The following DMXL1 variants were observed in gnomAD, a reference collection of about 807,000 sequenced individuals.
The protein encoded by DMXL1 is Dmx like 1.
In DMXL1, 99 loss-of-function variants were observed where a neutral mutation model predicts 319.2. The ratio of observed to expected loss-of-function variants is 0.31; its 90% CI spans 0.26 to 0.37. The LOEUF (loss-of-function observed/expected upper bound fraction) is 0.37, where lower values mean the gene tolerates loss of function less well. DMXL1 is among the 10% of genes least tolerant of loss of function. DMXL1 has a pLI of 1.00. For missense variants in DMXL1, 3,745 were observed against 3,595.6 expected, an observed-to-expected ratio of 1.04 and a Z score of -1.06; for synonymous variants, 1,385 against 1,235.2, an observed-to-expected ratio of 1.12 and a Z score of -2.54.
intron 6 of DMXL1, among the ~76,000 whole-genome samples, chr5:119,115,458 G>A (rs919078283): frequency 1.3e-5 from 2 of 152,144 alleles, no homozygotes; most frequent in Non-Finnish European, 2.9e-5. Flanking sequence ...CTGCTAATAA[G>A]TCAAATTATT....
chr5:119,173,776 G>GTGTGTGTATATATATATATATATA lies in DMXL1; in HGVS notation c.6682-1484_6682-1483insGTGTGTATATATATATATATATAT. ...TGTGTATATATATATATGTGTGTGT[G>GTGTGTGTATATATATATATATATA]TATATATATATATATATATATAATG... On this transcript the variant is annotated intron_variant, in intron 25 of 43. Coordinates refer to ENST00000539542, the MANE Select transcript of DMXL1 (RefSeq NM_001290321.3). Among the ~76,000 whole-genome samples, 261 of 67,124 alleles carry GTGTGTGTATATATATATATATATA rather than the reference G, an allele frequency of 3.9e-3. 9 individuals are homozygous for GTGTGTGTATATATATATATATATA. Among genetic ancestry groups the GTGTGTGTATATATATATATATATA allele is most frequent in the African/African-American group, 0.013 (227 of 17,972 alleles). 44.0% of individuals were successfully genotyped at this position (67,124 alleles called of 152,430 possible).
intron 19 of DMXL1, among the ~76,000 whole-genome samples, chr5:119,157,014 G>GTT (rs200329608): frequency 7.0e-6 from 1 of 142,824 alleles, no homozygotes. Context: ...ATCCCCTCTG[G>GTT]TTTTTTTTTT....
chr5:119,150,290 T>G lies in DMXL1; in HGVS notation c.4463T>G (p.Val1488Gly). 2 of 1,613,826 alleles carry G rather than the reference T, an allele frequency of 1.2e-6. No individual in the cohort carries two copies. The highest frequency in any genetic ancestry group is 8.5e-7 in the Non-Finnish European group (1 of 1,179,854). ...PTYFGPEHAQ[V>G]LSGHLLHSSL... ...TACTTTGGACCTGAGCATGCTCAGGTTCTTTCTGGCCACTTACTTCATTCT... is the reference window on the plus strand; with the variant it reads ...TACTTTGGACCTGAGCATGCTCAGGGTCTTTCTGGCCACTTACTTCATTCT... The change falls in exon 18 of 44, where the codon GTT becomes GGT. Residue 1488 changes from valine to glycine, a missense_variant. Transcript: ENST00000539542.
chr5:119,189,495 G>A (rs564672495), intron 28 of DMXL1, among the ~76,000 whole-genome samples: 4 of 152,258 alleles, frequency 2.6e-5, no homozygotes, highest in Admixed American at 1.3e-4. Flanking sequence ...TTTAGAGAGT[G>A]AGGGACAAAT....
chr5:119,218,995 A>G (rs1784181871), intron 35 of DMXL1, among the ~76,000 whole-genome samples: 1 of 152,164 alleles, frequency 6.6e-6, no homozygotes, highest in African/African-American at 2.4e-5. Flanking sequence ...TGGATTGTTT[A>G]AACAGTCCAT....
intron 2 of DMXL1, among the ~76,000 whole-genome samples, chr5:119,101,609 A>G (rs1182429261): frequency 6.6e-6 from 1 of 152,240 alleles, no homozygotes; most frequent in Non-Finnish European, 1.5e-5. Context: ...TTTACTGTGC[A>G]TATTGTATGT....
At chr5:119,203,964 A>C (rs1188519873) in intron 33 of DMXL1, among the ~76,000 whole-genome samples, 1 of 152,106 alleles carries the variant, frequency 6.6e-6, no homozygotes, top group African/African-American at 2.4e-5. Flanking sequence ...CTGGGACTAC[A>C]GGTGCCCGCC....
intron 19 of DMXL1, among the ~76,000 whole-genome samples, chr5:119,156,114 C>T (rs1356578956): frequency 6.6e-6 from 1 of 152,156 alleles, no homozygotes; most frequent in South Asian, 2.1e-4. Flanking sequence ...ATGTGGCACA[C>T]TTCATTGTTG....
intron 1 of DMXL1, among the ~76,000 whole-genome samples, chr5:119,089,312 T>A (rs1423143028): frequency 1.3e-4 from 14 of 109,760 alleles, no homozygotes; most frequent in African/African-American, 4.7e-4. Context: ...TTTTTTTTTT[T>A]TTTTTTTTTT....
At chr5:119,154,003 T>G (rs1158404546) in intron 19 of DMXL1, among the ~76,000 whole-genome samples, 2 of 152,206 alleles carry the variant, frequency 1.3e-5, no homozygotes, top group Non-Finnish European at 2.9e-5. Context: ...TTGTTACTAT[T>G]ATAATGGTTT....
chr5:119,233,684 T>C (rs768327583), intron 39 of DMXL1, among the ~76,000 whole-genome samples: 9 of 152,202 alleles, frequency 5.9e-5, no homozygotes, highest in Non-Finnish European at 1.2e-4. Context: ...AAGTGATTCT[T>C]AATGACCAAA....
rs1223038578 is a variant in DMXL1, at chr5:119,197,612, C to G, written c.7544-143C>G. ...GCCCACCTCACCTTGCACATCTTCCCTGCCAAAGTGTATGTTAATATTTCA... is the reference window on the plus strand; with the variant it reads ...GCCCACCTCACCTTGCACATCTTCCGTGCCAAAGTGTATGTTAATATTTCA... On this transcript the variant is annotated intron_variant, in intron 31 of 43. Coordinates refer to ENST00000539542, the MANE Select transcript of DMXL1 (RefSeq NM_001290321.3). 3 of 756,822 alleles carry G rather than the reference C, an allele frequency of 4.0e-6. No individual in the cohort carries two copies. In the Admixed American group the frequency reaches 8.4e-5, roughly 21 times the overall value. 46.9% of individuals were successfully genotyped at this position (756,822 alleles called of 1,614,324 possible). A position where few individuals can be genotyped will look rare whatever the true frequency, so the allele number is the denominator to read the frequency against.
intron 13 of DMXL1, among the ~76,000 whole-genome samples, chr5:119,135,955 C>G (rs1372555700): frequency 6.6e-6 from 1 of 152,160 alleles, no homozygotes; most frequent in African/African-American, 2.4e-5. Context: ...AACTGGGTAA[C>G]AGGCAGAGGT....
At chr5:119,178,697 T>G (rs1366778103) in intron 28 of DMXL1, 2 of 975,880 alleles carry the variant, frequency 2.0e-6, no homozygotes, top group Non-Finnish European at 2.4e-6. Context: ...AGGCAAGATA[T>G]GAGCTTTAGA....
Position 119,170,449 on chromosome 5 carries a change from G to T in DMXL1, c.5658G>T (p.Lys1886Asn). 1 of 1,613,902 alleles carries T rather than the reference G, an allele frequency of 6.2e-7. No homozygotes were observed. Among genetic ancestry groups the T allele is most frequent in the Non-Finnish European group, 8.5e-7 (1 of 1,179,914 alleles). ...EVLSKMPKVI[K>N]KTRPFYRASS... The stretch of plus-strand genomic sequence containing the variant: ...TATCAAAGATGCCTAAAGTCATCAA[G>T]AAAACAAGACCTTTTTATAGGGCTT... The change falls in exon 24 of 44, where the codon AAG (lysine) becomes AAT (asparagine). Residue 1886 changes from lysine to asparagine, a missense_variant. Transcript: ENST00000539542.
At chr5:119,176,941 A>C (rs979660146) in intron 26 of DMXL1, among the ~76,000 whole-genome samples, 34 of 152,052 alleles carry the variant, frequency 2.2e-4, no homozygotes, top group African/African-American at 8.0e-4. Flanking sequence ...TCCACTATTA[A>C]ATTTTATGGG....
intron 1 of DMXL1, among the ~76,000 whole-genome samples, chr5:119,081,221 G>A (rs1054095271): frequency 5.9e-5 from 9 of 152,184 alleles, no homozygotes; most frequent in Non-Finnish European, 8.8e-5. Flanking sequence ...AGACAGCTGC[G>A]TTTGGGCTGC....
In DMXL1 at chr5:119,170,965, A is replaced by T; in HGVS notation, c.6174A>T (p.Gln2058His). Residue 2058 changes from glutamine (Q) to histidine (H), a missense_variant, in exon 24 of 44, where the codon CAA becomes CAT. Physicochemically the swap from Gln to His is conservative, Grantham distance 24. Around this residue, in one of 4 missense-constraint regions of DMXL1, gnomAD observed 1,382 missense variants for 1,269.5 expected, o/e 1.09. Coordinates refer to ENST00000539542, the MANE Select transcript of DMXL1 (RefSeq NM_001290321.3). Reference protein sequence around the residue: ...YEIDGGKLRYQLYHWLEKEVI... With the variant: ...YEIDGGKLRYHLYHWLEKEVI... ...TAGATGGTGGAAAATTGCGTTACCA[A>T]CTATACCACTGGCTTGAAAAAGAGG... 1 of 1,613,822 alleles carries T rather than the reference A, an allele frequency of 6.2e-7. No individual in the cohort carries two copies. Among genetic ancestry groups the T allele is most frequent in the Admixed American group, 1.7e-5 (1 of 59,980 alleles).
In DMXL1 at chr5:119,086,375, C is replaced by T. The variant is rs529516069; in HGVS notation, c.88-11604C>T. ...ACCATATCACATATGTTGAACCATC[C>T]TTGGGTCCCTGGGATGAATGCCACT... is the stretch of plus-strand genomic sequence containing the variant. On this transcript the variant is annotated intron_variant, in intron 1 of 43. Transcript: ENST00000539542. 7.0e-4 allele frequency among the ~76,000 whole-genome samples: 107 copies of T among 152,300 alleles called. 1 individual carries two copies. The highest frequency in any genetic ancestry group is 2.4e-3 in the African/African-American group (100 of 41,572).
Sources: allele counts gnomAD v4.1 joint callset (sites outside exome capture counted in the v4.1 genomes callset), GRCh38; gene constraint gnomAD v4.1.1; regional missense constraint gnomAD v4.1.1; transcripts MANE v1.5; gene names NCBI Gene and HGNC (gene_info 2026-07-23, HGNC 2026-07-21).